CPLANE1: variants seen among roughly 807,000 people sequenced by gnomAD.
The protein encoded by CPLANE1 is ciliogenesis and planar polarity effector 1.
CPLANE1 carries 263 observed loss-of-function variants against 362.5 expected under a neutral mutation model. The ratio of observed to expected loss-of-function variants is 0.73; its 90% confidence interval spans 0.66 to 0.80. The LOEUF (loss-of-function observed/expected upper bound fraction) is 0.80. CPLANE1 is among the 30% of genes least tolerant of loss of function. The pLI, the probability that CPLANE1 is intolerant of heterozygous loss-of-function variation, is 0.00. For synonymous variants in CPLANE1, 1,212 were observed against 1,302.6 expected (o/e 0.93, Z 1.50); for missense variants, 3,461 against 3,793.4 (o/e 0.91, Z 2.30).
At chr5:37,229,539 A>AAAATAAATAAAT (rs374996232) in intron 9 of CPLANE1, among the ~76,000 whole-genome samples, 17,135 of 150,976 alleles carry the variant, frequency 0.11, 1,046 homozygotes, top group Admixed American at 0.15. Flanking sequence ...ACTCTGTCTC[A>AAAATAAATAAAT]AAATAAATAA....
chr5:37,089,237 C>G, the CPLANE1 span, among the ~76,000 whole-genome samples: 2 of 152,164 alleles, frequency 1.3e-5, no homozygotes, highest in African/African-American at 4.8e-5. Flanking sequence ...GAAGCACACA[C>G]AGCCAAGCAG....
At chr5:37,178,635 A>C (rs746620591) in intron 29 of CPLANE1, among the ~76,000 whole-genome samples, 1 of 152,064 alleles carries the variant, frequency 6.6e-6, no homozygotes, top group South Asian at 2.1e-4. Context: ...ACAAAAACAC[A>C]GAATTGTTAC....
intron 43 of CPLANE1, among the ~76,000 whole-genome samples, chr5:37,147,056 T>A (rs1336326876): frequency 6.6e-6 from 1 of 152,160 alleles, no homozygotes; most frequent in Admixed American, 6.5e-5. Context: ...ACAATCATTA[T>A]GGGTAATTTT....
chr5:37,217,960 CAA>C (rs961308174), intron 15 of CPLANE1, among the ~76,000 whole-genome samples: 11 of 151,410 alleles, frequency 7.3e-5, no homozygotes, highest in Admixed American at 5.3e-4. Context: ...AGCCTGGTGA[CAA>C]GAGCGAGACT....
At chr5:37,173,059 T>C (rs1248337160) in intron 32 of CPLANE1, among the ~76,000 whole-genome samples, 1 of 152,084 alleles carries the variant, frequency 6.6e-6, no homozygotes, top group Non-Finnish European at 1.5e-5. Context: ...ATGGTATATA[T>C]TACATCACAT....
intron 15 of CPLANE1, among the ~76,000 whole-genome samples, chr5:37,217,848 C>T (rs1365081703): frequency 6.7e-6 from 1 of 150,350 alleles, no homozygotes. Flanking sequence ...GGTGTGGTGG[C>T]AGGAGCCTGT....
intron 46 of CPLANE1, among the ~76,000 whole-genome samples, chr5:37,135,445 A>C (rs1452362578): frequency 6.6e-6 from 1 of 151,742 alleles, no homozygotes; most frequent in African/African-American, 2.4e-5. Flanking sequence ...CAAGAAACTT[A>C]TAATCATCGC....
chr5:37,090,397 C>T, the CPLANE1 span, among the ~76,000 whole-genome samples: 1 of 152,216 alleles, frequency 6.6e-6, no homozygotes, highest in East Asian at 1.9e-4. Context: ...ATTCAGGCCA[C>T]AAACAATGCA....
At position 37,108,318 on chromosome 5, in the gene CPLANE1, T is replaced by G. The variant is rs373643291; in HGVS notation, c.9554A>C (p.His3185Pro). ...TIPSEIHKIL[H>P]ESHNSLLQDL... ...TTGTAGAAGGGAATTGTGACTCTCA[T>G]GAAGAATCTTATGGATTTCTGAAGG... The change falls in exon 52 of 53, where the codon CAT becomes CCT. Residue 3185 changes from histidine to proline, a missense_variant. By Grantham distance (77) the His-to-Pro change is moderately conservative (BLOSUM62 -2). Around this residue, in one of 2 missense-constraint regions of CPLANE1, gnomAD observed 81 missense variants for 127.3 expected, o/e 0.64. Transcript: ENST00000651892. The G allele has an allele frequency of 7.4e-6, 12 of 1,614,036 alleles. No homozygotes were observed. Among genetic ancestry groups the G allele is most frequent in the Non-Finnish European group, 1.0e-5 (12 of 1,179,998 alleles).
downstream of CPLANE1, among the ~76,000 whole-genome samples, chr5:37,104,381 T>C (rs1209780302): frequency 6.6e-6 from 1 of 151,976 alleles, no homozygotes; most frequent in East Asian, 1.9e-4. Flanking sequence ...GCAGATCACC[T>C]GAGGTCAGGA....
chr5:37,157,718 C>T lies in CPLANE1; in HGVS notation c.7963G>A (p.Ala2655Thr). The T allele has an allele frequency of 6.2e-7, 1 of 1,613,818 alleles. No individual in the cohort carries two copies. Among genetic ancestry groups the T allele is most frequent in the Non-Finnish European group, 8.5e-7 (1 of 1,179,914 alleles). The change falls in exon 40 of 53, where the codon GCA becomes ACA. Residue 2655 changes from alanine (A) to threonine (T), a missense_variant. This residue lies in a region of CPLANE1 where 3,380 missense variants were observed against 3,666.1 expected (regional missense o/e 0.92). Transcript: ENST00000651892. Reference protein sequence around the residue: ...VPSSAELHYMAASVTNAVPPH... With the variant: ...VPSSAELHYMTASVTNAVPPH... ...GGAACAGCATTAGTAACTGAAGCTG[C>T]CATATAATGTAACTCTGCAGACGAT...
chr5:37,224,799 C>T (rs1156471324), intron 12 of CPLANE1, 59 bp from the exon 13 acceptor site: 1 of 1,192,904 alleles, frequency 8.4e-7, no homozygotes, highest in African/African-American at 1.6e-5. Flanking sequence ...TGAGTTTAGC[C>T]TCCTTTTTAG....
chr5:37,148,426 G>A (rs1341529422), intron 42 of CPLANE1, among the ~76,000 whole-genome samples, 158 bp from the exon 43 acceptor site: 1 of 152,232 alleles, frequency 6.6e-6, no homozygotes, highest in Non-Finnish European at 1.5e-5. Flanking sequence ...CAATAAAACA[G>A]AGGAAATTTT....
intron 4 of CPLANE1, 83 bp downstream of exon 4, chr5:37,245,396 C>T: frequency 1.9e-6 from 2 of 1,075,536 alleles, no homozygotes; most frequent in Non-Finnish European, 2.4e-6. Context: ...AATACATTTT[C>T]AAGACAGTAA....
the CPLANE1 span, among the ~76,000 whole-genome samples, chr5:37,094,005 GGGGT>G: frequency 9.8e-6 from 1 of 101,610 alleles, no homozygotes; most frequent in African/African-American, 7.3e-5. Context: ...AGCGCTGGGA[GGGGT>G]GGAGCGCTGG....
intron 35 of CPLANE1, among the ~76,000 whole-genome samples, chr5:37,166,040 T>C (rs1402316127): frequency 6.6e-6 from 1 of 152,106 alleles, no homozygotes; most frequent in Non-Finnish European, 1.5e-5. Flanking sequence ...CTTAGTCACC[T>C]CAGCAAAATT....
At chr5:37,102,594 T>C (rs574375879), downstream of CPLANE1, among the ~76,000 whole-genome samples, 1 of 152,344 alleles carries the variant, frequency 6.6e-6, no homozygotes, top group Admixed American at 6.5e-5. Flanking sequence ...TCCCAGAGAT[T>C]CTGGTACATT....
chr5:37,211,666 C>T, intron 16 of CPLANE1: 1 of 796,008 alleles, frequency 1.3e-6, no homozygotes, highest in Non-Finnish European at 2.3e-6. Context: ...AGTCCTTATC[C>T]TGACAGAATG....
At position 37,230,942 on chromosome 5, in the gene CPLANE1, G is replaced by A; in HGVS notation, c.1046C>T (p.Thr349Ile). 6.4e-7 allele frequency: 1 copy of A among 1,550,734 alleles called. No homozygotes were observed. The change falls in exon 9 of 53, where the codon ACA (threonine) becomes ATA (isoleucine). Residue 349 changes from threonine to isoleucine, a missense_variant. Around this residue, in one of 2 missense-constraint regions of CPLANE1, gnomAD observed 3,380 missense variants for 3,666.1 expected, o/e 0.92. Coordinates refer to ENST00000651892, the MANE Select transcript of CPLANE1 (RefSeq NM_001384732.1). ...TATAGAGCAACCAAATGTAATTAAT[G>A]TTAGCAATTCACCTTGGCAGGTCAA... The part of the protein sequence containing the change: ...VLLTCQGELL[T>I]LITFGCSIEF...
Sources: gnomAD v4.1 joint callset for allele counts (sites outside exome capture counted in the v4.1 genomes callset) on GRCh38, gnomAD v4.1.1 for gene constraint, gnomAD v4.1.1 regional missense constraint, MANE v1.5 for transcripts, NCBI Gene and HGNC (gene_info 2026-07-23, HGNC 2026-07-21) for gene names.